SDK1: variants seen among roughly 807,000 people sequenced by gnomAD.
SDK1 encodes the protein sidekick cell adhesion molecule 1.
Under a neutral mutation model 245.5 loss-of-function variants are expected in SDK1, and 157 were observed. That is an observed-to-expected ratio of 0.64 (90% CI 0.56 to 0.73). The LOEUF is 0.73. SDK1 is among the 30% of genes least tolerant of loss of function. The pLI is 0.00. For missense variants in SDK1, 3,583 were observed against 3,002.3 expected (o/e 1.19, Z -4.52); for synonymous variants, 1,647 against 1,278.5 (o/e 1.29, Z -6.15).
intron 4 of SDK1, among the ~76,000 whole-genome samples, chr7:3,741,959 G>A (rs1779486226): frequency 7.1e-6 from 1 of 140,330 alleles, no homozygotes; most frequent in African/African-American, 2.7e-5. Context: ...TTTTTGAGTG[G>A]CAATTTGTGT....
intron 1 of SDK1, among the ~76,000 whole-genome samples, chr7:3,331,689 G>T (rs1002433253): frequency 1.3e-4 from 20 of 152,020 alleles, no homozygotes; most frequent in African/African-American, 4.3e-4. Flanking sequence ...GGATGAATTT[G>T]CTTGGTGAAA....
intron 5 of SDK1, among the ~76,000 whole-genome samples, chr7:3,905,145 A>T (rs1022275827): frequency 5.9e-5 from 9 of 152,234 alleles, no homozygotes; most frequent in African/African-American, 1.9e-4. Flanking sequence ...ATATCCTGGA[A>T]ATCAGCCCAC....
At chr7:3,483,251 TA>T (rs1241534493) in intron 1 of SDK1, among the ~76,000 whole-genome samples, 1 of 152,232 alleles carries the variant, frequency 6.6e-6, no homozygotes, top group Non-Finnish European at 1.5e-5. Context: ...TCTTTTAGTT[TA>T]TTCAGGCTTC....
intron 35 of SDK1, among the ~76,000 whole-genome samples, chr7:4,201,343 A>G (rs7809511): frequency 0.37 from 55,540 of 152,156 alleles, 10,731 homozygotes; most frequent in Middle Eastern, 0.5. Context: ...AAGATTTGCC[A>G]AGAAGGTAAA....
At chr7:3,332,291 C>T (rs1486094999) in intron 1 of SDK1, among the ~76,000 whole-genome samples, 2 of 152,100 alleles carry the variant, frequency 1.3e-5, no homozygotes, top group East Asian at 3.9e-4. Context: ...ATAAGTGTGA[C>T]TAAAGTTGTG....
intron 32 of SDK1, among the ~76,000 whole-genome samples, chr7:4,170,338 T>C (rs1781759212): frequency 6.6e-6 from 1 of 152,182 alleles, no homozygotes; most frequent in Admixed American, 6.5e-5. Context: ...TCCCAGCTAC[T>C]CGGGAGGCTG....
At chr7:3,574,536 G>A (rs1258560821) in intron 1 of SDK1, among the ~76,000 whole-genome samples, 1 of 152,034 alleles carries the variant, frequency 6.6e-6, no homozygotes, top group African/African-American at 2.4e-5. Context: ...GTATATGAAT[G>A]CGGGAAAAAC....
chr7:4,247,936 G>T (rs1317430568), intron 44 of SDK1, among the ~76,000 whole-genome samples: 1 of 152,172 alleles, frequency 6.6e-6, no homozygotes, highest in Non-Finnish European at 1.5e-5. Context: ...GAGGCATCCA[G>T]GGATGGTGTG....
intron 1 of SDK1, among the ~76,000 whole-genome samples, chr7:3,310,446 A>G (rs1034978859): frequency 6.6e-6 from 1 of 152,160 alleles, no homozygotes; most frequent in African/African-American, 2.4e-5. Context: ...AGATGGAGAG[A>G]GGTAGATGCA....
intron 1 of SDK1, among the ~76,000 whole-genome samples, chr7:3,600,901 A>T (rs1009218105): frequency 4.6e-5 from 7 of 152,112 alleles, no homozygotes; most frequent in Non-Finnish European, 1.0e-4. Context: ...ACTCCTCTCT[A>T]TTCCTAATTC....
intron 1 of SDK1, among the ~76,000 whole-genome samples, chr7:3,563,967 A>T (rs993761917): frequency 3.9e-5 from 6 of 152,172 alleles, no homozygotes; most frequent in Non-Finnish European, 8.8e-5. Context: ...TTGAATTAAA[A>T]AAATAAAATT....
chr7:3,340,261 A>G (rs959634841), intron 1 of SDK1, among the ~76,000 whole-genome samples: 1 of 152,114 alleles, frequency 6.6e-6, no homozygotes, highest in African/African-American at 2.4e-5. Flanking sequence ...CAATAAAAGG[A>G]GTCACAGAAA....
At chr7:4,160,634 A>G (rs1046179112) in intron 31 of SDK1, among the ~76,000 whole-genome samples, 4 of 152,192 alleles carry the variant, frequency 2.6e-5, no homozygotes, top group Admixed American at 6.5e-5. Flanking sequence ...ACTGATGAAC[A>G]GTTTCTTTTT....
At chr7:3,437,930 TC>T (rs1180172436) in intron 1 of SDK1, among the ~76,000 whole-genome samples, 1 of 152,194 alleles carries the variant, frequency 6.6e-6, no homozygotes, top group African/African-American at 2.4e-5. Context: ...ATGAGAATAC[TC>T]CCCCTACGTT....
intron 2 of SDK1, among the ~76,000 whole-genome samples, chr7:3,630,455 A>T (rs945164326): frequency 1.3e-5 from 2 of 152,226 alleles, no homozygotes; most frequent in African/African-American, 4.8e-5. Flanking sequence ...CTAGCAAACA[A>T]ATCTGAAAAT....
chr7:3,944,070 G>C (rs1172797694), intron 5 of SDK1, among the ~76,000 whole-genome samples: 3 of 152,242 alleles, frequency 2.0e-5, no homozygotes, highest in Admixed American at 2.0e-4. Context: ...GGAAGTGCTT[G>C]AGGGAAGGAG....
intron 8 of SDK1, among the ~76,000 whole-genome samples, chr7:3,962,008 CAT>C (rs1013750885): frequency 3.7e-4 from 56 of 152,082 alleles, no homozygotes; most frequent in Admixed American, 2.2e-3. Flanking sequence ...CACATACACA[CAT>C]GTAAACACGT....
intron 1 of SDK1, among the ~76,000 whole-genome samples, chr7:3,440,015 G>C (rs1780148950): frequency 6.6e-6 from 1 of 152,116 alleles, no homozygotes; most frequent in Admixed American, 6.6e-5. Flanking sequence ...AATTTGATAT[G>C]CTTTGACATA....
intron 1 of SDK1, among the ~76,000 whole-genome samples, chr7:3,586,704 C>CAA (rs57309941): frequency 8.8e-4 from 72 of 82,158 alleles, no homozygotes; most frequent in African/African-American, 2.3e-3. Context: ...GACTCCGTCT[C>CAA]AAAAAAAAAA....
Sources: allele counts gnomAD v4.1 joint callset (sites outside exome capture counted in the v4.1 genomes callset), GRCh38; gene constraint gnomAD v4.1.1; transcripts MANE v1.5; gene names NCBI Gene and HGNC (gene_info 2026-07-23, HGNC 2026-07-21).